The following DAPK1 variants were observed in gnomAD, a reference collection of about 807,000 sequenced individuals.
DAPK1 encodes death associated protein kinase 1.
Under a neutral mutation model 144.9 loss-of-function variants are expected in DAPK1, and 56 were observed. That is an observed-to-expected ratio of 0.39 (90% confidence interval 0.31 to 0.48). DAPK1 has a LOEUF of 0.48. DAPK1 is among the 20% of genes least tolerant of loss of function. DAPK1 has a pLI of 0.95. For missense variants in DAPK1, 1,454 were observed against 1,875.4 expected, an observed-to-expected ratio of 0.78 and a Z score of 4.15; for synonymous variants, 690 against 749.0, an observed-to-expected ratio of 0.92 and a Z score of 1.29.
chr9:87,583,673 C>G (rs73654411), intron 2 of DAPK1, among the ~76,000 whole-genome samples: 4,783 of 152,074 alleles, frequency 0.031, 230 homozygotes, highest in African/African-American at 0.11. Flanking sequence ...CTCCTCATTT[C>G]CAGCCACCTT....
At chr9:87,632,540 G>C in intron 3 of DAPK1, 1 of 971,652 alleles carries the variant, frequency 1.0e-6, no homozygotes, top group Non-Finnish European at 1.2e-6. Flanking sequence ...AGGAAGATGA[G>C]TATACATGTA....
intron 3 of DAPK1, among the ~76,000 whole-genome samples, chr9:87,605,531 CCTCT>C (rs36207724): frequency 7.8e-5 from 9 of 115,592 alleles, no homozygotes; most frequent in Non-Finnish European, 1.5e-4. Flanking sequence ...CTATTCCTTT[CCTCT>C]CTCTGTTTGT....
chr9:87,689,856 G>A (rs1824997399), intron 21 of DAPK1, among the ~76,000 whole-genome samples: 1 of 152,070 alleles, frequency 6.6e-6, no homozygotes, highest in Non-Finnish European at 1.5e-5. Flanking sequence ...CTGTTCCATT[G>A]GTCTATGTGT....
At chr9:87,525,571 A>G (rs1428253570) in intron 2 of DAPK1, 3 of 870,108 alleles carry the variant, frequency 3.4e-6, no homozygotes, top group Non-Finnish European at 3.7e-6. Context: ...AAACAACAAC[A>G]AAAAATGCGT....
chr9:87,618,669 C>G (rs557687910), intron 3 of DAPK1, among the ~76,000 whole-genome samples: 1 of 152,252 alleles, frequency 6.6e-6, no homozygotes, highest in East Asian at 1.9e-4. Context: ...ACCACCCACC[C>G]TATGATTTTA....
At chr9:87,606,479 C>T (rs1311875426) in intron 3 of DAPK1, among the ~76,000 whole-genome samples, 3 of 144,836 alleles carry the variant, frequency 2.1e-5, no homozygotes, top group African/African-American at 7.7e-5. Flanking sequence ...CTTTCCCTTC[C>T]TTCCTCCCTC....
At chr9:87,595,507 A>T (rs1289837128) in intron 2 of DAPK1, among the ~76,000 whole-genome samples, 2 of 152,206 alleles carry the variant, frequency 1.3e-5, no homozygotes, top group Admixed American at 1.3e-4. Flanking sequence ...TTTAATCCTC[A>T]GCCGCTCTGG....
At chr9:87,567,772 C>T (rs559655790) in intron 2 of DAPK1, among the ~76,000 whole-genome samples, 24 of 152,132 alleles carry the variant, frequency 1.6e-4, no homozygotes, top group Non-Finnish European at 3.2e-4. Flanking sequence ...CCCCACCCCA[C>T]CGGACCTCCC....
intron 2 of DAPK1, among the ~76,000 whole-genome samples, chr9:87,592,195 G>A (rs1266014690): frequency 6.6e-6 from 1 of 152,208 alleles, no homozygotes. Flanking sequence ...GCTGGGAGGG[G>A]TACAGAGCTC....
At chr9:87,690,778 C>T (rs539753360) in intron 21 of DAPK1, among the ~76,000 whole-genome samples, 2 of 152,156 alleles carry the variant, frequency 1.3e-5, no homozygotes, top group South Asian at 4.1e-4. Context: ...TGAATTTTGT[C>T]AAATGCTTTT....
At chr9:87,581,964 A>G (rs1373855125) in intron 2 of DAPK1, among the ~76,000 whole-genome samples, 2 of 152,226 alleles carry the variant, frequency 1.3e-5, no homozygotes, top group African/African-American at 4.8e-5. Flanking sequence ...AGGTCCTCAC[A>G]TACAGAGTTT....
At chr9:87,498,921 T>TG in intron 1 of DAPK1, 49 bp from the exon 2 acceptor site, 1 of 595,462 alleles carries the variant, frequency 1.7e-6, no homozygotes, top group East Asian at 2.8e-5. Flanking sequence ...TACTTCCTTT[T>TG]GGGGTTGCCA....
intron 2 of DAPK1, among the ~76,000 whole-genome samples, chr9:87,552,231 G>A (rs1826517673): frequency 6.6e-6 from 1 of 152,228 alleles, no homozygotes; most frequent in South Asian, 2.1e-4. Context: ...GTCCTCAGGA[G>A]GGAGTGTGAG....
At chr9:87,518,278 A>ATTTT (rs1188386875) in intron 2 of DAPK1, among the ~76,000 whole-genome samples, 2 of 124,584 alleles carry the variant, frequency 1.6e-5, no homozygotes, top group African/African-American at 3.1e-5. Context: ...CACCCAGCTA[A>ATTTT]TTTTTTTTTT....
intron 3 of DAPK1, among the ~76,000 whole-genome samples, chr9:87,630,591 G>C (rs1829642856): frequency 6.6e-6 from 1 of 152,176 alleles, no homozygotes; most frequent in African/African-American, 2.4e-5. Flanking sequence ...GACCGCATCT[G>C]AAATGGCACA....
Position 87,668,609 on chromosome 9 carries a change from G to A in DAPK1, c.1936G>A (p.Ala646Thr). 2.1e-6 allele frequency: 3 copies of A among 1,435,000 alleles called. No individual in the cohort carries two copies. The highest frequency in any genetic ancestry group is 1.1e-5 in the South Asian group (1 of 87,664). 88.9% of individuals were successfully genotyped at this position (1,435,000 alleles called of 1,614,324 possible). ...VEALTTDGKTAEDLARSEQHE... is the reference protein window; with the variant it reads ...VEALTTDGKTTEDLARSEQHE... ...TTTTCTCCAACAGGACGGAAAGACG[G>A]CAGAAGATCTTGCTAGATCGGAACA... The change falls in exon 19 of 26, where the codon GCA becomes ACA. Residue 646 changes from alanine (A) to threonine (T), a missense_variant. Around this residue, in one of 2 missense-constraint regions of DAPK1, gnomAD observed 1,025 missense variants for 1,237.9 expected, o/e 0.83. Coordinates refer to ENST00000408954, the MANE Select transcript of DAPK1 (RefSeq NM_004938.4).
intron 10 of DAPK1, among the ~76,000 whole-genome samples, chr9:87,643,057 G>C (rs1353608559): frequency 3.3e-5 from 5 of 152,128 alleles, no homozygotes; most frequent in Admixed American, 2.0e-4. Context: ...TCTCCAAACA[G>C]CAGAGAAGAA....
intron 3 of DAPK1, among the ~76,000 whole-genome samples, chr9:87,611,956 A>G (rs1828946756): frequency 6.6e-6 from 1 of 152,224 alleles, no homozygotes; most frequent in Admixed American, 6.5e-5. Context: ...TGGGTAATTT[A>G]TAGAGAAAAT....
chr9:87,592,245 C>T (rs1828163994), intron 2 of DAPK1, among the ~76,000 whole-genome samples: 1 of 152,178 alleles, frequency 6.6e-6, no homozygotes, highest in African/African-American at 2.4e-5. Flanking sequence ...GGAGGAAACC[C>T]AGCAAGAGGA....
Sources: gnomAD v4.1 joint callset for allele counts (sites outside exome capture counted in the v4.1 genomes callset) on GRCh38, gnomAD v4.1.1 for gene constraint, gnomAD v4.1.1 regional missense constraint, MANE v1.5 for transcripts, NCBI Gene and HGNC (gene_info 2026-07-23, HGNC 2026-07-21) for gene names.